FRMD5: variants seen among roughly 807,000 people sequenced by gnomAD.
FRMD5 encodes the protein FERM domain-containing protein 5.
In FRMD5, 20 loss-of-function variants were observed where a neutral mutation model predicts 69.0. The ratio of observed to expected loss-of-function variants is 0.29; its 90% CI spans 0.20 to 0.42. FRMD5 has a LOEUF of 0.42. Among genes scored for constraint, FRMD5 ranks in the 10% least tolerant of loss-of-function variants. FRMD5 has a pLI of 1.00. For missense variants in FRMD5, 595 were observed against 708.6 expected, an observed-to-expected ratio of 0.84 and a Z score of 1.82; for synonymous variants, 271 against 260.1, an observed-to-expected ratio of 1.04 and a Z score of -0.40.
At chr15:44,099,288 G>A (rs1262184815) in intron 1 of FRMD5, among the ~76,000 whole-genome samples, 2 of 152,136 alleles carry the variant, frequency 1.3e-5, no homozygotes, top group Non-Finnish European at 1.5e-5. Flanking sequence ...TTAAAATACA[G>A]ATTCTGATTC....
At chr15:44,121,945 A>G (rs762443985) in intron 1 of FRMD5, among the ~76,000 whole-genome samples, 1 of 150,414 alleles carries the variant, frequency 6.6e-6, no homozygotes. Flanking sequence ...CAGTGAGCCA[A>G]GATTGCACCA....
chr15:44,008,005 G>GA (rs1890538715), intron 1 of FRMD5, among the ~76,000 whole-genome samples: 1 of 151,556 alleles, frequency 6.6e-6, no homozygotes, highest in South Asian at 2.1e-4. Context: ...GCAGTGGGAT[G>GA]ATCATGGCTC....
At chr15:44,174,061 T>C (rs904406642) in intron 1 of FRMD5, among the ~76,000 whole-genome samples, 7 of 152,122 alleles carry the variant, frequency 4.6e-5, no homozygotes, top group Non-Finnish European at 1.0e-4. Context: ...GTTCAAACAC[T>C]ATACTCCTTT....
intron 8 of FRMD5, among the ~76,000 whole-genome samples, chr15:43,890,906 T>G (rs2140370509): frequency 6.6e-6 from 1 of 152,212 alleles, no homozygotes; most frequent in South Asian, 2.1e-4. Flanking sequence ...GTGGGGGAGC[T>G]GAAGAGGGCA....
chr15:44,129,457 A>C (rs1414139977), intron 1 of FRMD5, among the ~76,000 whole-genome samples: 1 of 152,170 alleles, frequency 6.6e-6, no homozygotes, highest in Non-Finnish European at 1.5e-5. Context: ...TGAAGAATCC[A>C]GTGAGGAGTG....
At chr15:43,876,170 G>C (rs2088350146) in intron 13 of FRMD5, 1 of 1,596,316 alleles carries the variant, frequency 6.3e-7, no homozygotes, top group Admixed American at 1.7e-5. Context: ...GAGCCTTCTT[G>C]TCAGCACTGT....
chr15:43,925,435 C>A (rs1188965740), intron 1 of FRMD5, among the ~76,000 whole-genome samples: 1 of 152,124 alleles, frequency 6.6e-6, no homozygotes, highest in Non-Finnish European at 1.5e-5. Flanking sequence ...CCTGCAAATC[C>A]TTCTATGGCA....
chr15:43,990,209 G>A (rs543120192), intron 1 of FRMD5: 12 of 452,098 alleles, frequency 2.7e-5, no homozygotes, highest in East Asian at 1.5e-4. Flanking sequence ...GGGTGTGGAC[G>A]GGTGGCAGAG....
chr15:44,078,979 G>C (rs1183631892), intron 1 of FRMD5, among the ~76,000 whole-genome samples: 1 of 152,026 alleles, frequency 6.6e-6, no homozygotes, highest in South Asian at 2.1e-4. Flanking sequence ...CAGAGTAAAA[G>C]GCAAGCCACA....
chr15:43,892,135 C>T, intron 7 of FRMD5, 66 bp from the exon 8 acceptor site: 1 of 1,395,808 alleles, frequency 7.2e-7, no homozygotes, highest in Non-Finnish European at 1.0e-6. Context: ...AGAAACACAG[C>T]TGTTCATAGG....
chr15:43,906,563 T>C (rs1033860017), intron 5 of FRMD5, among the ~76,000 whole-genome samples: 1 of 152,174 alleles, frequency 6.6e-6, no homozygotes, highest in African/African-American at 2.4e-5. Flanking sequence ...TGGCTGTAAC[T>C]AGAAAGTATC....
chr15:43,891,345 G>A (rs1461746246), intron 8 of FRMD5, among the ~76,000 whole-genome samples: 1 of 152,166 alleles, frequency 6.6e-6, no homozygotes, highest in Non-Finnish European at 1.5e-5. Context: ...GCTCTTGCCT[G>A]TTAGATGGGA....
intron 1 of FRMD5, among the ~76,000 whole-genome samples, chr15:44,108,199 G>C (rs1429408923): frequency 6.6e-6 from 1 of 152,096 alleles, no homozygotes; most frequent in Non-Finnish European, 1.5e-5. Context: ...TTACTGTCTG[G>C]ACTTTTATTT....
chr15:44,147,292 T>C (rs2077371871), intron 1 of FRMD5, among the ~76,000 whole-genome samples: 1 of 152,134 alleles, frequency 6.6e-6, no homozygotes, highest in Non-Finnish European at 1.5e-5. Context: ...AAAGATCAGA[T>C]GGTTGTGGAT....
chr15:44,060,490 T>C (rs1893047290), intron 1 of FRMD5, among the ~76,000 whole-genome samples: 1 of 152,158 alleles, frequency 6.6e-6, no homozygotes, highest in South Asian at 2.1e-4. Flanking sequence ...GAATCAACAA[T>C]AGATTAAAGT....
At chr15:43,876,059 C>T in intron 13 of FRMD5, 1 of 1,246,618 alleles carries the variant, frequency 8.0e-7, no homozygotes, top group South Asian at 1.2e-5. Context: ...CATTGAATCT[C>T]ATCCCAGACT....
At chr15:43,952,965 T>C (rs1595554694) in intron 1 of FRMD5, among the ~76,000 whole-genome samples, 4 of 152,360 alleles carry the variant, frequency 2.6e-5, no homozygotes, top group African/African-American at 7.2e-5. Flanking sequence ...ATTAGGAAGA[T>C]AGCCTCTGCC....
intron 1 of FRMD5, among the ~76,000 whole-genome samples, chr15:44,013,898 C>G (rs966593807): frequency 7.1e-6 from 1 of 140,502 alleles, no homozygotes; most frequent in Non-Finnish European, 1.5e-5. Context: ...ACTCTGTTGC[C>G]CAGGCTGGAG....
chr15:44,175,593 T>C (rs1056225250), intron 1 of FRMD5, among the ~76,000 whole-genome samples: 3 of 152,148 alleles, frequency 2.0e-5, no homozygotes, highest in African/African-American at 7.2e-5. Context: ...CATATACAAC[T>C]AGTAACTCTA....
Sources: allele counts gnomAD v4.1 joint callset (sites outside exome capture counted in the v4.1 genomes callset), GRCh38; gene constraint gnomAD v4.1.1; transcripts MANE v1.5; gene names NCBI Gene and HGNC (gene_info 2026-07-23, HGNC 2026-07-21).